CNTN1: variants seen among roughly 807,000 people sequenced by gnomAD.
CNTN1 encodes contactin 1.
A neutral mutation model predicts 126.4 loss-of-function variants in CNTN1; 38 were observed. The observed-to-expected ratio is 0.30, with a 90% CI of 0.23 to 0.39. The LOEUF (loss-of-function observed/expected upper bound fraction) is 0.39. Among genes scored for constraint, CNTN1 ranks in the 10% least tolerant of loss-of-function variants. The pLI, the probability that CNTN1 is intolerant of heterozygous loss-of-function variation, is 1.00. For missense variants in CNTN1, 1,009 were observed against 1,248.4 expected (o/e 0.81, Z 2.89); for synonymous variants, 413 against 422.6 (o/e 0.98, Z 0.28).
intron 19 of CNTN1, among the ~76,000 whole-genome samples, chr12:41,019,960 G>A (rs1282622984): frequency 1.3e-5 from 2 of 151,944 alleles, no homozygotes; most frequent in Non-Finnish European, 2.9e-5. Flanking sequence ...GCATCAACAG[G>A]CTTTCTTAAG....
chr12:40,730,556 C>T (rs1430548378), intron 1 of CNTN1, among the ~76,000 whole-genome samples: 3 of 152,094 alleles, frequency 2.0e-5, no homozygotes, highest in African/African-American at 7.2e-5. Flanking sequence ...ACCTCAGTTG[C>T]CCAATATCTA....
At position 40,975,146 on chromosome 12, in the gene CNTN1, T is replaced by G. The variant is rs1021255037; in HGVS notation, c.1805-5763T>G. On this transcript the variant is annotated intron_variant, in intron 15 of 23. Transcript: ENST00000551295. ...AGCTATGTATCTCTGACAACAGCCC[T>G]TATAGACTTCGGTGTCCTTTTGTAA... is the stretch of plus-strand genomic sequence containing the variant. Among the ~76,000 whole-genome samples, 3 of 147,110 alleles carry G rather than the reference T, an allele frequency of 2.0e-5. No homozygotes were observed. The Admixed American group carries it at 2.1e-4, about 10-fold the overall frequency.
chr12:40,719,785 T>C (rs1281224963), intron 1 of CNTN1, among the ~76,000 whole-genome samples: 1 of 152,156 alleles, frequency 6.6e-6, no homozygotes, highest in Non-Finnish European at 1.5e-5. Flanking sequence ...AGAGTAGAGT[T>C]TGTTAAAAGA....
chr12:40,737,529 A>G (rs1207481668), intron 1 of CNTN1, among the ~76,000 whole-genome samples: 1 of 151,720 alleles, frequency 6.6e-6, no homozygotes, highest in Admixed American at 6.6e-5. Context: ...GCATGGGAGA[A>G]AGACGTAGGC....
intron 1 of CNTN1, among the ~76,000 whole-genome samples, chr12:40,904,083 A>AT (rs1944712411): frequency 6.6e-6 from 1 of 152,018 alleles, no homozygotes; most frequent in East Asian, 1.9e-4. Flanking sequence ...CAGTGGCGCG[A>AT]TCTCGGCTCA....
At chr12:40,824,460 A>C (rs956076751) in intron 1 of CNTN1, among the ~76,000 whole-genome samples, 6 of 152,154 alleles carry the variant, frequency 3.9e-5, no homozygotes, top group Non-Finnish European at 8.8e-5. Context: ...TAATAGTTGA[A>C]TTTCCTAATA....
At position 40,925,826 on chromosome 12, in the gene CNTN1, A is replaced by G. The variant is rs866685938; in HGVS notation, c.496+1174A>G. Among the ~76,000 whole-genome samples the G allele has an allele frequency of 6.5e-3, 590 of 91,326 alleles. 9 individuals are homozygous for G. Among genetic ancestry groups the G allele is most frequent in the African/African-American group, 0.03 (539 of 18,030 alleles). 59.9% of individuals were successfully genotyped at this position (91,326 alleles called of 152,430 possible). A position where few individuals can be genotyped will look rare whatever the true frequency, so the allele number is the denominator to read the frequency against. On this transcript the variant is annotated intron_variant, in intron 6 of 23. Transcript: ENST00000551295. ...TATATATATATATATATATATATAT[A>G]TATGTATGTGTGTGTGTGTATATAT...
intron 1 of CNTN1, among the ~76,000 whole-genome samples, chr12:40,897,593 A>C (rs1010581366): frequency 6.6e-6 from 1 of 152,212 alleles, no homozygotes; most frequent in Non-Finnish European, 1.5e-5. Flanking sequence ...CTGTAATTTC[A>C]TATGACCGGA....
intron 1 of CNTN1, among the ~76,000 whole-genome samples, chr12:40,872,997 G>A (rs1377740516): frequency 1.3e-5 from 2 of 152,058 alleles, no homozygotes; most frequent in Non-Finnish European, 2.9e-5. Context: ...CCATAAGAAG[G>A]TAAGCAGCCC....
intron 23 of CNTN1, among the ~76,000 whole-genome samples, chr12:41,042,815 G>C (rs11829880): frequency 0.014 from 2,147 of 152,028 alleles, 54 homozygotes; most frequent in African/African-American, 0.048. Flanking sequence ...TAGATCAATG[G>C]AACAGAACAG....
chr12:41,057,622 A>G (rs1360056189), intron 23 of CNTN1, among the ~76,000 whole-genome samples: 1 of 152,124 alleles, frequency 6.6e-6, no homozygotes, highest in Admixed American at 6.6e-5. Flanking sequence ...TTGATTTTAA[A>G]TCTTATTTGA....
chr12:40,912,142 A>G (rs1315180490), intron 3 of CNTN1, among the ~76,000 whole-genome samples: 1 of 152,234 alleles, frequency 6.6e-6, no homozygotes, highest in East Asian at 1.9e-4. Context: ...TTTAAATTTG[A>G]AAAACAAAGT....
At chr12:40,841,234 G>A (rs755100850) in intron 1 of CNTN1, among the ~76,000 whole-genome samples, 47 of 151,938 alleles carry the variant, frequency 3.1e-4, no homozygotes, top group Non-Finnish European at 6.0e-4. Flanking sequence ...GGTTAAATCA[G>A]GAGGTAGAAA....
At chr12:40,744,934 C>A (rs1938118980) in intron 1 of CNTN1, among the ~76,000 whole-genome samples, 1 of 152,126 alleles carries the variant, frequency 6.6e-6, no homozygotes, top group East Asian at 1.9e-4. Context: ...TATTTTCAGC[C>A]CTTTGTTTCC....
rs749864561 is a variant in CNTN1 at position 40,922,332 on chromosome 12, A to G, written c.304A>G (p.Asn102Asp). Reference sequence around the variant, plus strand: ...GGTAGGAGGAAACCTTGTTATCAACAACCCTGACAAACAGAAAGATGCTGG... The same window carrying G: ...GGTAGGAGGAAACCTTGTTATCAACGACCCTGACAAACAGAAAGATGCTGG... ...SMVGGNLVIN[N>D]PDKQKDAGIY... Residue 102 changes from asparagine to aspartate, a missense_variant, in exon 5 of 24, where the codon AAC (asparagine) becomes GAC (aspartate). Asn to Asp is a conservative substitution (Grantham distance 23, BLOSUM62 1). Transcript: ENST00000551295. The G allele has an allele frequency of 6.2e-7, 1 of 1,614,072 alleles. No homozygotes were observed. Among genetic ancestry groups the G allele is most frequent in the Non-Finnish European group, 8.5e-7 (1 of 1,179,938 alleles).
At chr12:40,862,101 G>A (rs933208150) in intron 1 of CNTN1, among the ~76,000 whole-genome samples, 3 of 151,494 alleles carry the variant, frequency 2.0e-5, no homozygotes, top group African/African-American at 7.3e-5. Flanking sequence ...CTTCTCAGAA[G>A]TCTGACGTGG....
intron 1 of CNTN1, among the ~76,000 whole-genome samples, chr12:40,837,956 T>C (rs1942123619): frequency 6.6e-6 from 1 of 152,122 alleles, no homozygotes; most frequent in South Asian, 2.1e-4. Flanking sequence ...CCACTGAGGA[T>C]AACCCCACCC....
At chr12:40,936,947 C>A in intron 10 of CNTN1, 42 bp downstream of exon 10, 1 of 1,609,826 alleles carries the variant, frequency 6.2e-7, no homozygotes, top group South Asian at 1.1e-5. Context: ...AGTCCCTGTT[C>A]AAGCAGTGTT....
At chr12:40,974,263 A>G (rs995411710) in intron 15 of CNTN1, among the ~76,000 whole-genome samples, 34 of 152,210 alleles carry the variant, frequency 2.2e-4, no homozygotes, top group Non-Finnish European at 4.6e-4. Flanking sequence ...ATGAATTTAT[A>G]AATGGATGAT....
Sources: allele counts gnomAD v4.1 joint callset (sites outside exome capture counted in the v4.1 genomes callset), GRCh38; gene constraint gnomAD v4.1.1; transcripts MANE v1.5; gene names NCBI Gene and HGNC (gene_info 2026-07-23, HGNC 2026-07-21).